The following DOCK9 variants were observed in gnomAD, a reference collection of about 807,000 sequenced individuals.
DOCK9 encodes dedicator of cytokinesis protein 9.
Under a neutral mutation model 263.3 loss-of-function variants are expected in DOCK9, and 89 were observed. The observed-to-expected ratio is 0.34, with a 90% CI of 0.28 to 0.40. DOCK9 has a LOEUF of 0.40. DOCK9 is among the 10% of genes least tolerant of loss of function. The probability of loss-of-function intolerance (pLI) is 1.00; values close to 1 mark genes in which losing one functional copy is unlikely to be tolerated. For missense variants in DOCK9, 2,140 were observed against 2,603.4 expected (o/e 0.82, Z 3.87); for synonymous variants, 976 against 973.1 (o/e 1.00, Z -0.06).
intron 2 of DOCK9, among the ~76,000 whole-genome samples, chr13:98,937,187 A>T (rs1595474884): frequency 6.6e-6 from 1 of 152,292 alleles, no homozygotes; most frequent in East Asian, 1.9e-4. Flanking sequence ...CCGCTAATAA[A>T]TCTGTACATT....
intron 1 of DOCK9, among the ~76,000 whole-genome samples, chr13:99,016,895 G>C (rs1458665718): frequency 6.6e-6 from 1 of 152,132 alleles, no homozygotes; most frequent in Non-Finnish European, 1.5e-5. Context: ...AACTGACTGA[G>C]TACCTGGGGG....
chr13:98,940,173 T>C (rs1227647541), intron 2 of DOCK9, among the ~76,000 whole-genome samples: 1 of 152,214 alleles, frequency 6.6e-6, no homozygotes, highest in African/African-American at 2.4e-5. Context: ...TACCTCACAA[T>C]TCATGTCTTG....
chr13:99,076,933 G>A (rs1335655373), intron 1 of DOCK9, among the ~76,000 whole-genome samples: 1 of 152,186 alleles, frequency 6.6e-6, no homozygotes, highest in Admixed American at 6.5e-5. Flanking sequence ...TGGGTGGATA[G>A]GCCAGGACAT....
chr13:99,061,155 T>A (rs1293946091), intron 1 of DOCK9, among the ~76,000 whole-genome samples: 1 of 152,220 alleles, frequency 6.6e-6, no homozygotes, highest in Non-Finnish European at 1.5e-5. Flanking sequence ...TATAAATGTT[T>A]ACTGAGATAA....
Position 98,848,653 on chromosome 13 carries a change from G to GA in DOCK9, c.4014-15dup. On this transcript the variant is annotated splice_polypyrimidine_tract_variant and intron_variant, in intron 36 of 52. Transcript: ENST00000682017. Reference sequence around the variant, plus strand: ...TGCAGGCAGACTCTGCAGGCAAGATGAAAAATTATTAGGGAAATGCAAAGA... The same window carrying GA: ...TGCAGGCAGACTCTGCAGGCAAGATGAAAAAATTATTAGGGAAATGCAAAGA... 1 of 1,609,446 alleles carries GA rather than the reference G, an allele frequency of 6.2e-7. No individual in the cohort carries two copies. The highest frequency in any genetic ancestry group is 8.5e-7 in the Non-Finnish European group (1 of 1,177,976).
chr13:98,953,461 T>C (rs1406689750), intron 2 of DOCK9, among the ~76,000 whole-genome samples: 1 of 152,262 alleles, frequency 6.6e-6, no homozygotes, highest in South Asian at 2.1e-4. Context: ...GGGATAAAGA[T>C]GACACTCAAC....
chr13:99,071,306 C>CTTTTTTTTTTTTTTTTTTT lies in DOCK9; in HGVS notation c.129+14898_129+14916dup, dbSNP rs71114578. Reference sequence around the variant, plus strand: ...TACAGGTGCTTGCCACCATGCCTGGCTTTTTTTTTTTTTTTTTTTTTTTTT... The same window carrying CTTTTTTTTTTTTTTTTTTT: ...TACAGGTGCTTGCCACCATGCCTGGCTTTTTTTTTTTTTTTTTTTTTTTTTTTTTTTTTTTTTTTTTTTT... On this transcript the variant is annotated intron_variant, in intron 1 of 32. Transcript: ENST00000427887. 3.6e-4 allele frequency among the ~76,000 whole-genome samples: 18 copies of CTTTTTTTTTTTTTTTTTTT among 49,330 alleles called. 4 individuals are homozygous for CTTTTTTTTTTTTTTTTTTT. The highest frequency in any genetic ancestry group is 7.6e-4 in the African/African-American group (7 of 9,182). 32.4% of individuals were successfully genotyped at this position (49,330 alleles called of 152,430 possible).
At chr13:99,019,359 A>G (rs1463181752) in intron 1 of DOCK9, among the ~76,000 whole-genome samples, 1 of 152,212 alleles carries the variant, frequency 6.6e-6, no homozygotes, top group Admixed American at 6.5e-5. Flanking sequence ...ATAGTCTGTG[A>G]CTACTGAATT....
intron 2 of DOCK9, among the ~76,000 whole-genome samples, chr13:98,952,471 G>A (rs1479096215): frequency 1.3e-5 from 2 of 152,112 alleles, no homozygotes; most frequent in Non-Finnish European, 2.9e-5. Flanking sequence ...TCCTGACCTT[G>A]TGATCTGCCC....
At chr13:99,076,265 G>T (rs2041906520) in intron 1 of DOCK9, among the ~76,000 whole-genome samples, 2 of 152,080 alleles carry the variant, frequency 1.3e-5, no homozygotes, top group South Asian at 4.1e-4. Flanking sequence ...TTGTATTTTT[G>T]TTTTGTTTTG....
chr13:98,912,843 T>C (rs1052746779), intron 9 of DOCK9, among the ~76,000 whole-genome samples: 5 of 152,188 alleles, frequency 3.3e-5, no homozygotes, highest in African/African-American at 1.2e-4. Flanking sequence ...CTAGATGGCA[T>C]CACATATATT....
At position 98,797,451 on chromosome 13, in the gene DOCK9, T is replaced by C. The variant is rs1489651913; in HGVS notation, c.5955A>G (p.Leu1985=). 6.2e-7 allele frequency: 1 copy of C among 1,613,340 alleles called. No homozygotes were observed. The highest frequency in any genetic ancestry group is 2.2e-5 in the East Asian group (1 of 44,882). The change falls in exon 51 of 53, where the codon TTA becomes TTG. Residue 1985 remains leucine, a synonymous_variant. Transcript: ENST00000682017. The stretch of plus-strand genomic sequence containing the variant: ...GATATCGCTTTGTGTTTGTATCATC[T>C]AAGAAAGCTCGCGCATATGCTAGTG... ...AGPLAYARAF[L]DDTNTKRYPD... is the part of the protein sequence containing the mutation.
chr13:98,817,266 C>G (rs1382829788), intron 45 of DOCK9, among the ~76,000 whole-genome samples: 4 of 152,052 alleles, frequency 2.6e-5, no homozygotes, highest in Admixed American at 2.6e-4. Flanking sequence ...TGAGACAGGT[C>G]TTGCATGTAA....
chr13:98,937,220 C>T (rs1259286077), intron 2 of DOCK9, among the ~76,000 whole-genome samples: 1 of 152,154 alleles, frequency 6.6e-6, no homozygotes, highest in African/African-American at 2.4e-5. Context: ...GGGGAAAAAA[C>T]ATTTCACACC....
At chr13:98,880,488 G>A (rs2044569054) in intron 26 of DOCK9, 59 bp downstream of exon 26, 14 of 1,608,106 alleles carry the variant, frequency 8.7e-6, no homozygotes, top group Non-Finnish European at 1.1e-5. Flanking sequence ...TGATCAGGCT[G>A]TGGAGTGAAT....
At chr13:98,955,400 C>T (rs1487761859) in intron 2 of DOCK9, 35 bp downstream of exon 2, 39 of 1,389,720 alleles carry the variant, frequency 2.8e-5, no homozygotes, top group South Asian at 1.3e-4. Flanking sequence ...AGATCAAACA[C>T]GTGGTTCTAC....
chr13:99,015,390 G>A (rs1339321233), intron 1 of DOCK9: 2 of 1,359,988 alleles, frequency 1.5e-6, no homozygotes, highest in African/African-American at 1.5e-5. Context: ...TACAAGTAAA[G>A]ACTAGTTTAT....
In DOCK9 at chr13:98,825,090, G is replaced by A. The variant is rs540532904; in HGVS notation, c.5024-586C>T. Among the ~76,000 whole-genome samples the A allele has an allele frequency of 1.1e-4, 16 of 152,316 alleles. No individual in the cohort carries two copies. Among genetic ancestry groups the A allele is most frequent in the African/African-American group, 3.8e-4 (16 of 41,568 alleles). On this transcript the variant is annotated intron_variant, in intron 44 of 52. Coordinates refer to ENST00000682017, the MANE Select transcript of DOCK9 (RefSeq NM_001366683.2). The surrounding 1 kb of genome is among the most constrained non-coding windows in gnomAD (Gnocchi z 4.1). Reference sequence around the variant, plus strand: ...GGGTGGGTGGCTGGCTGCATCAACAGAGGGCATGGATGCCTGGGCACTCTG... The same window carrying A: ...GGGTGGGTGGCTGGCTGCATCAACAAAGGGCATGGATGCCTGGGCACTCTG...
chr13:99,016,963 G>A (rs1041228556), intron 1 of DOCK9, among the ~76,000 whole-genome samples: 2 of 152,120 alleles, frequency 1.3e-5, no homozygotes, highest in Non-Finnish European at 2.9e-5. Context: ...ATCCGGGCAC[G>A]TGATCCCATA....
Sources: gnomAD v4.1 joint callset for allele counts (sites outside exome capture counted in the v4.1 genomes callset) on GRCh38, gnomAD v4.1.1 for gene constraint, Gnocchi (gnomAD v3.1) non-coding constraint, MANE v1.5 for transcripts, NCBI Gene and HGNC (gene_info 2026-07-23, HGNC 2026-07-21) for gene names.